The following ASB6 variants were observed in gnomAD, a reference collection of about 807,000 sequenced individuals.
The protein encoded by ASB6 is ankyrin repeat and SOCS box protein 6.
In ASB6, 24 loss-of-function variants were observed where a neutral mutation model predicts 28.6. The observed-to-expected ratio is 0.84, with a 90% CI of 0.61 to 1.18. The LOEUF (loss-of-function observed/expected upper bound fraction) is 1.18, where lower values mean the gene tolerates loss of function less well. Among genes scored for constraint, ASB6 ranks in the 50% most tolerant of loss-of-function variants. ASB6 has a pLI of 0.00. For synonymous variants in ASB6, 267 were observed against 243.4 expected, an observed-to-expected ratio of 1.10 and a Z score of -0.90; for missense variants, 519 against 559.8, an observed-to-expected ratio of 0.93 and a Z score of 0.74.
chr9:129,640,747 T>G (rs201105403), intron 1 of ASB6, 25 bp from the exon 2 acceptor site: 37 of 1,612,864 alleles, frequency 2.3e-5, no homozygotes, highest in Non-Finnish European at 1.3e-5. Context: ...AGGCTGAGGG[T>G]AGGCACAGCT....
chr9:129,640,379 G>C (rs1406684291), intron 2 of ASB6, 162 bp downstream of exon 2: 7 of 966,898 alleles, frequency 7.2e-6, no homozygotes, highest in Non-Finnish European at 1.0e-5. Context: ...CAGGGGGTGG[G>C]AGGCCACCCA....
chr9:129,639,577 G>A, intron 2 of ASB6, 69 bp from the exon 3 acceptor site: 3 of 1,376,358 alleles, frequency 2.2e-6, no homozygotes, highest in Non-Finnish European at 3.0e-6. Context: ...CGGACCCAGA[G>A]CCCAGCCCCA....
chr9:129,638,035 G>C lies in ASB6; in HGVS notation c.1021C>G (p.Gln341Glu). Residue 341 changes from glutamine to glutamate, a missense_variant, in exon 6 of 6, where the codon CAG (glutamine) becomes GAG (glutamate). Transcript: ENST00000277458. ...TGGATATCGAAGTTTTCGGGCAGCT[G>C]GAGTTTCTGAGAGTTGGTCACCATG... ...DLMVTNSQKL[Q>E]LPENFDIHPV... 6.2e-7 allele frequency: 1 copy of C among 1,614,166 alleles called. No homozygotes were observed. The highest frequency in any genetic ancestry group is 8.5e-7 in the Non-Finnish European group (1 of 1,180,026).
rs1266102316 is a variant in ASB6, at chr9:129,639,449, C to T, written c.355G>A (p.Val119Met). 1 of 1,613,862 alleles carries T rather than the reference C, an allele frequency of 6.2e-7. No individual in the cohort carries two copies. The highest frequency in any genetic ancestry group is 1.7e-5 in the Admixed American group (1 of 60,012). The change falls in exon 3 of 6, where the codon GTG becomes ATG. Residue 119 changes from valine (V) to methionine (M), a missense_variant. Val to Met is a conservative substitution (Grantham distance 21). Coordinates refer to ENST00000277458, the MANE Select transcript of ASB6 (RefSeq NM_017873.4). ...GCCCCGTGATGCACCAGCAGCTCCA[C>T]CATGTCCGGCTGGTTCCGCAGGACG... The part of the protein sequence containing the change: ...IAVLRNQPDM[V>M]ELLVHHGADV...
rs770533767 is a variant in ASB6, at chr9:129,635,298, TG to T, written c.*2491del. 1 of 1,613,814 alleles carries T rather than the reference TG, an allele frequency of 6.2e-7. No homozygotes were observed. Among genetic ancestry groups the T allele is most frequent in the South Asian group, 1.1e-5 (1 of 91,090 alleles). ...GGCATCATCGTCATCAAAGACAACA[TG>T]GCCCAGGAGGGCGTGATTCTGGACG... On this transcript the variant is annotated 3_prime_UTR_variant, in exon 6 of 6. Transcript: ENST00000277458.
chr9:129,640,394 G>A, intron 2 of ASB6, 147 bp downstream of exon 2: 3 of 1,145,400 alleles, frequency 2.6e-6, no homozygotes, highest in Non-Finnish European at 3.5e-6. Flanking sequence ...CACCCAATGG[G>A]AGTTTCCTTA....
At chr9:129,640,873 A>G in intron 1 of ASB6, 151 bp from the exon 2 acceptor site, 1 of 892,368 alleles carries the variant, frequency 1.1e-6, no homozygotes, top group Non-Finnish European at 1.7e-6. Context: ...GCTCTGAAGT[A>G]GAGAGAGGGC....
rs1269143544 is a variant in ASB6 at position 129,638,373 on chromosome 9, T to A, written c.683A>T (p.Asp228Val). The A allele has an allele frequency of 6.2e-7, 1 of 1,613,396 alleles. No homozygotes were observed. Among genetic ancestry groups the A allele is most frequent in the Non-Finnish European group, 8.5e-7 (1 of 1,180,012 alleles). Reference protein sequence around the residue: ...IFLLGETVGGDKEEAQMINRF... With the variant: ...IFLLGETVGGVKEEAQMINRF... The stretch of plus-strand genomic sequence containing the variant: ...GTTGATCATCTGGGCCTCCTCTTTG[T>A]CCCCTCCCACGGTCTCACCAAGCAG... Residue 228 changes from aspartate (D) to valine (V), a missense_variant, in exon 6 of 6, where the codon GAC (aspartate) becomes GTC (valine). Physicochemically the swap from Asp to Val is radical, Grantham distance 152 (BLOSUM62 -3). Coordinates refer to ENST00000277458, the MANE Select transcript of ASB6 (RefSeq NM_017873.4).
At chr9:129,640,427 AG>A (rs758042422) in intron 2 of ASB6, 113 bp downstream of exon 2, 1 of 1,379,318 alleles carries the variant, frequency 7.2e-7, no homozygotes, top group African/African-American at 1.5e-5. Flanking sequence ...CAGGAAATAA[AG>A]GGGGGGAAGT....
chr9:129,635,611 C>G lies in ASB6; in HGVS notation c.*2179G>C. On this transcript the variant is annotated 3_prime_UTR_variant, in exon 6 of 6. Transcript: ENST00000277458. ...CTGCCGTCCACTCATTATGCGGGCT[C>G]TTCTTCAAAAGGCAAGGTGGGACCC... The G allele has an allele frequency of 1.9e-6, 2 of 1,054,218 alleles. No individual in the cohort carries two copies. The highest frequency in any genetic ancestry group is 2.7e-6 in the Non-Finnish European group (2 of 728,998). The allele number at this position is 1,054,218 out of a possible 1,614,324, so 65.3% of individuals were successfully genotyped here.
Position 129,638,297 on chromosome 9 carries a change from G to A in ASB6, c.759C>T (p.Pro253=), listed in dbSNP as rs1239700838. Reference sequence around the variant, plus strand: ...GGGACTCGTGGGCTGGGCACTCGCTGGGGTCGGCCCCGTGTGCCAGCAGCA... The same window carrying A: ...GGGACTCGTGGGCTGGGCACTCGCTAGGGTCGGCCCCGTGTGCCAGCAGCA... The part of the protein sequence containing the change: ...TRLLLAHGAD[P]SECPAHESLT... The change falls in exon 6 of 6, where the codon CCC becomes CCT. Residue 253 remains proline (P), a synonymous_variant. Coordinates refer to ENST00000277458, the MANE Select transcript of ASB6 (RefSeq NM_017873.4). 1.2e-6 allele frequency: 2 copies of A among 1,612,932 alleles called. No individual in the cohort carries two copies. The highest frequency in any genetic ancestry group is 1.3e-5 in the African/African-American group (1 of 75,054).
Position 129,636,844 on chromosome 9 carries a change from A to G in ASB6, c.*946T>C, listed in dbSNP as rs1831568187. ...CTTACCGGCTGCTGTGGGAGCCTCT[A>G]TCCTGAACTATGGAGGGGCGGGGTG... On this transcript the variant is annotated 3_prime_UTR_variant, in exon 6 of 6. Transcript: ENST00000277458. 1 of 152,120 alleles carries G rather than the reference A, an allele frequency of 6.6e-6. No individual in the cohort carries two copies. Among genetic ancestry groups the G allele is most frequent in the African/African-American group, 2.4e-5 (1 of 41,394 alleles). 9.4% of individuals were successfully genotyped at this position (152,120 alleles called of 1,614,324 possible). A position where few individuals can be genotyped will look rare whatever the true frequency, so the allele number is the denominator to read the frequency against.
intron 2 of ASB6, among the ~76,000 whole-genome samples, chr9:129,639,775 A>G (rs181112330): frequency 6.6e-6 from 1 of 152,362 alleles, no homozygotes; most frequent in East Asian, 1.9e-4. Flanking sequence ...GCACCCTCTC[A>G]GAATGGCTGG....
chr9:129,634,918 G>A lies in ASB6; in HGVS notation c.*2872C>T. 1 of 414,348 alleles carries A rather than the reference G, an allele frequency of 2.4e-6. No individual in the cohort carries two copies. Among genetic ancestry groups the A allele is most frequent in the Admixed American group, 4.0e-5 (1 of 24,856 alleles). The allele number at this position is 414,348 out of a possible 1,614,324, so 25.7% of individuals were successfully genotyped here. A position where few individuals can be genotyped will look rare whatever the true frequency, so the allele number is the denominator to read the frequency against. On this transcript the variant is annotated 3_prime_UTR_variant, in exon 6 of 6. Transcript: ENST00000277458. The stretch of plus-strand genomic sequence containing the variant: ...GGTTCACTCCTCCGATCCAAGCCTG[G>A]CAGGGGTGGGGCATCATGGTGTGTA...
At chr9:129,641,603 G>T (rs1285009967) in intron 1 of ASB6, among the ~76,000 whole-genome samples, 3 of 152,248 alleles carry the variant, frequency 2.0e-5, no homozygotes, top group Non-Finnish European at 4.4e-5. Context: ...ACGCCGGGGG[G>T]TGGCACAGGA....
Position 129,638,381 on chromosome 9 carries a change from C to T in ASB6, c.675G>A (p.Val225=), listed in dbSNP as rs151279028. 8,374 of 1,613,724 alleles carry T rather than the reference C, an allele frequency of 5.2e-3. 26 individuals are homozygous for T. The highest frequency in any genetic ancestry group is 6.5e-3 in the Non-Finnish European group (7,700 of 1,180,024). ...TCTGGGCCTCCTCTTTGTCCCCTCC[C>T]ACGGTCTCACCAAGCAGGAAGATGA... The part of the protein sequence containing the change: ...TCIIFLLGET[V]GGDKEEAQMI... Residue 225 remains valine (V), a synonymous_variant, in exon 6 of 6, where the codon GTG becomes GTA. Transcript: ENST00000277458.
In ASB6 at chr9:129,639,354, A is replaced by C. The variant is rs764202828; in HGVS notation, c.403-44T>G. 3 of 1,603,036 alleles carry C rather than the reference A, an allele frequency of 1.9e-6. No homozygotes were observed. The East Asian group carries it at 6.7e-5, about 36-fold the overall frequency. ...GCCAGGTTGGCTTGGGAAGCTGCTC[A>C]GGCCCCTGCCCAACCCTGCTTCAAA... On this transcript the variant is annotated intron_variant, in intron 3 of 5. Transcript: ENST00000277458.
rs1831579714 is a variant in ASB6, at chr9:129,637,318, A to G, written c.*472T>C. 2 of 152,984 alleles carry G rather than the reference A, an allele frequency of 1.3e-5. No individual in the cohort carries two copies. Among genetic ancestry groups the G allele is most frequent in the Admixed American group, 6.5e-5 (1 of 15,298 alleles). 9.5% of individuals were successfully genotyped at this position (152,984 alleles called of 1,614,324 possible). On this transcript the variant is annotated 3_prime_UTR_variant, in exon 6 of 6. Transcript: ENST00000277458. Reference sequence around the variant, plus strand: ...TTCTCCCGCAGAGCCCACCAGAAACACTTCTGTGAGTAACAGAACCTGGAA... The same window carrying G: ...TTCTCCCGCAGAGCCCACCAGAAACGCTTCTGTGAGTAACAGAACCTGGAA...
chr9:129,638,580 C>T lies in ASB6; in HGVS notation c.591G>A (p.Leu197=), dbSNP rs1180476009. The T allele has an allele frequency of 6.2e-7, 1 of 1,613,870 alleles. No homozygotes were observed. The highest frequency in any genetic ancestry group is 8.5e-7 in the Non-Finnish European group (1 of 1,179,952). The change falls in exon 5 of 6, where the codon CTG becomes CTA. Residue 197 remains leucine (L), a synonymous_variant. Coordinates refer to ENST00000277458, the MANE Select transcript of ASB6 (RefSeq NM_017873.4). ...IHNTENIRLL[L]EGGADVKATT... ...GGAGCGCGCCAGCCTCACCTCCTTC[C>T]AGTAAGAGACGAATGTTCTCAGTAT...
Sources: gnomAD v4.1 joint callset for allele counts (sites outside exome capture counted in the v4.1 genomes callset) on GRCh38, gnomAD v4.1.1 for gene constraint, MANE v1.5 for transcripts, NCBI Gene and HGNC (gene_info 2026-07-23, HGNC 2026-07-21) for gene names.